The following NCAM2 variants were observed in gnomAD, a reference collection of about 807,000 sequenced individuals.
NCAM2 encodes neural cell adhesion molecule 2, also known as N-CAM-2.
Under a neutral mutation model 98.1 loss-of-function variants are expected in NCAM2, and 30 were observed. The ratio of observed to expected loss-of-function variants is 0.31; its 90% CI spans 0.23 to 0.41. The LOEUF (loss-of-function observed/expected upper bound fraction) is 0.41, where lower values mean the gene tolerates loss of function less well. NCAM2 is among the 10% of genes least tolerant of loss of function. The pLI is 1.00. For missense variants in NCAM2, 867 were observed against 1,005.8 expected (o/e 0.86, Z 1.87); for synonymous variants, 368 against 342.4 (o/e 1.07, Z -0.83).
intron 1 of NCAM2, among the ~76,000 whole-genome samples, chr21:21,278,165 CT>C (rs148830114): frequency 0.014 from 2,157 of 150,526 alleles, 49 homozygotes; most frequent in African/African-American, 0.05. Flanking sequence ...TTTCCCCTCC[CT>C]TTTTTTTTCA....
At chr21:21,158,521 C>G (rs1380793936) in intron 1 of NCAM2, among the ~76,000 whole-genome samples, 6 of 151,678 alleles carry the variant, frequency 4.0e-5, no homozygotes, top group African/African-American at 1.5e-4. Flanking sequence ...AGGAGAATCG[C>G]TTGAACCCAA....
chr21:21,432,754 A>T (rs372889828), intron 12 of NCAM2, among the ~76,000 whole-genome samples: 5 of 152,042 alleles, frequency 3.3e-5, no homozygotes, highest in South Asian at 2.1e-4. Flanking sequence ...TTTTACTTTT[A>T]TATTTCTATT....
intron 14 of NCAM2, among the ~76,000 whole-genome samples, chr21:21,474,097 T>C (rs1309615990): frequency 6.6e-6 from 1 of 152,046 alleles, no homozygotes; most frequent in East Asian, 1.9e-4. Flanking sequence ...TTTCAACCTT[T>C]GTAAATTAGA....
rs2074458038 is a variant in NCAM2 at position 21,324,432 on chromosome 21, G to C, written c.669G>C (p.Glu223Asp). ...AGAAATCTTTTAATGCCACAGCAGA[G>C]AGAGGAGAAGAAATGACATTTTCCT... ...MPQKSFNATAERGEEMTFSCR... is the reference protein window; with the variant it reads ...MPQKSFNATADRGEEMTFSCR... Residue 223 changes from glutamate to aspartate, a missense_variant, in exon 6 of 18, where the codon GAG becomes GAC. Coordinates refer to ENST00000400546, the MANE Select transcript of NCAM2 (RefSeq NM_004540.5). 1 of 1,613,674 alleles carries C rather than the reference G, an allele frequency of 6.2e-7. No homozygotes were observed. Among genetic ancestry groups the C allele is most frequent in the Admixed American group, 1.7e-5 (1 of 59,952 alleles).
At chr21:21,377,395 T>C (rs1372905875) in intron 9 of NCAM2, among the ~76,000 whole-genome samples, 1 of 151,902 alleles carries the variant, frequency 6.6e-6, no homozygotes, top group Non-Finnish European at 1.5e-5. Context: ...TTAGTTTACA[T>C]TTACATGTAA....
intron 1 of NCAM2, among the ~76,000 whole-genome samples, chr21:21,186,935 T>TA (rs1169660644): frequency 6.6e-6 from 1 of 152,062 alleles, no homozygotes; most frequent in Admixed American, 6.6e-5. Context: ...TATCCTTTTT[T>TA]AAAAAAATCT....
intron 15 of NCAM2, among the ~76,000 whole-genome samples, chr21:21,484,552 C>G (rs1156746923): frequency 6.6e-6 from 1 of 151,848 alleles, no homozygotes; most frequent in Non-Finnish European, 1.5e-5. Context: ...GTTTGTCTTG[C>G]GTGTTTTAAT....
intron 4 of NCAM2, among the ~76,000 whole-genome samples, chr21:21,286,942 T>C (rs931763589): frequency 1.3e-5 from 2 of 151,906 alleles, no homozygotes; most frequent in African/African-American, 4.8e-5. Context: ...GTGAATTATG[T>C]TTATTATTCT....
At chr21:21,092,028 CAAAT>C (rs1377970670) in intron 1 of NCAM2, among the ~76,000 whole-genome samples, 12 of 151,886 alleles carry the variant, frequency 7.9e-5, no homozygotes, top group South Asian at 2.1e-4. Flanking sequence ...TGAAAATAAA[CAAAT>C]GAATGAATCA....
At chr21:21,250,689 A>G (rs1471121417) in intron 1 of NCAM2, among the ~76,000 whole-genome samples, 1 of 152,202 alleles carries the variant, frequency 6.6e-6, no homozygotes, top group Non-Finnish European at 1.5e-5. Flanking sequence ...CAAACAAAAC[A>G]TTTCTACTAG....
intron 8 of NCAM2, among the ~76,000 whole-genome samples, chr21:21,370,883 G>A (rs2075899605): frequency 6.6e-6 from 1 of 151,856 alleles, no homozygotes; most frequent in African/African-American, 2.4e-5. Flanking sequence ...TCATATGTAT[G>A]TATTGCCTTT....
intron 17 of NCAM2, among the ~76,000 whole-genome samples, chr21:21,536,175 T>C (rs1220681027): frequency 6.6e-6 from 1 of 152,158 alleles, no homozygotes; most frequent in Non-Finnish European, 1.5e-5. Context: ...TGTTTTTTAA[T>C]GTTTTTTTCA....
chr21:21,461,991 C>A (rs1172674700), intron 12 of NCAM2, among the ~76,000 whole-genome samples: 1 of 152,012 alleles, frequency 6.6e-6, no homozygotes, highest in Non-Finnish European at 1.5e-5. Flanking sequence ...CTAACTCCTG[C>A]AGAAGTCAGT....
At chr21:21,454,488 G>A (rs1052140194) in intron 12 of NCAM2, among the ~76,000 whole-genome samples, 1 of 151,928 alleles carries the variant, frequency 6.6e-6, no homozygotes, top group Non-Finnish European at 1.5e-5. Context: ...TCATAAATAC[G>A]AACCTGTGTC....
At chr21:21,341,719 T>C (rs552318530) in intron 8 of NCAM2, among the ~76,000 whole-genome samples, 1 of 151,838 alleles carries the variant, frequency 6.6e-6, no homozygotes, top group East Asian at 1.9e-4. Flanking sequence ...TTTTTTTTTT[T>C]TTTGTCTAAG....
chr21:21,025,651 C>G (rs2083290072), intron 1 of NCAM2, among the ~76,000 whole-genome samples: 2 of 151,756 alleles, frequency 1.3e-5, no homozygotes, highest in Non-Finnish European at 2.9e-5. Flanking sequence ...AATTTGTTCT[C>G]TTATATCAAT....
At chr21:21,397,225 A>G (rs2076529452) in intron 9 of NCAM2, among the ~76,000 whole-genome samples, 1 of 152,130 alleles carries the variant, frequency 6.6e-6, no homozygotes, top group South Asian at 2.1e-4. Context: ...ACCAGAAGTT[A>G]TCACTCTGGG....
At chr21:21,003,083 C>G (rs944116045) in intron 1 of NCAM2, among the ~76,000 whole-genome samples, 3 of 152,000 alleles carry the variant, frequency 2.0e-5, no homozygotes, top group Admixed American at 2.0e-4. Flanking sequence ...TAACTTTTAA[C>G]AATTTACAGT....
chr21:21,423,881 G>T (rs2077162533), intron 11 of NCAM2, among the ~76,000 whole-genome samples: 1 of 152,044 alleles, frequency 6.6e-6, no homozygotes, highest in African/African-American at 2.4e-5. Flanking sequence ...AGTCATCCTT[G>T]AGAACAGAGA....
Sources: gnomAD v4.1 joint callset for allele counts (sites outside exome capture counted in the v4.1 genomes callset) on GRCh38, gnomAD v4.1.1 for gene constraint, MANE v1.5 for transcripts, NCBI Gene and HGNC (gene_info 2026-07-23, HGNC 2026-07-21) for gene names.